OOSP2: variants seen among roughly 807,000 people sequenced by gnomAD.
OOSP2 encodes the protein oocyte-secreted protein 2.
In OOSP2, 7 loss-of-function variants were observed where a neutral mutation model predicts 13.4. The ratio of observed to expected loss-of-function variants is 0.52; its 90% CI spans 0.30 to 0.98. The LOEUF (loss-of-function observed/expected upper bound fraction) is 0.98, where lower values mean the gene tolerates loss of function less well. Ranked by LOEUF, OOSP2 falls within the 50% of genes least tolerant of loss-of-function variation. The pLI is 0.07. For synonymous variants in OOSP2, 75 were observed against 67.2 expected (o/e 1.12, Z -0.57); for missense variants, 184 against 188.5 (o/e 0.98, Z 0.14).
intron 1 of OOSP2, among the ~76,000 whole-genome samples, chr11:60,042,636 C>G (rs1345744306): frequency 6.6e-6 from 1 of 152,170 alleles, no homozygotes; most frequent in Admixed American, 6.5e-5. Flanking sequence ...GTGCATGGAG[C>G]TAACATCCCA....
intron 3 of OOSP2, 154 bp from the exon 4 acceptor site, chr11:60,046,788 CAA>C (rs1855013108): frequency 3.9e-6 from 3 of 763,922 alleles, no homozygotes; most frequent in Admixed American, 3.5e-5. Flanking sequence ...AATCCTGTAC[CAA>C]GAGTCCACGA....
In OOSP2 at chr11:60,046,926, T is replaced by C; in HGVS notation, c.348-18T>C. The C allele has an allele frequency of 6.2e-7, 1 of 1,605,888 alleles. No homozygotes were observed. Among genetic ancestry groups the C allele is most frequent in the Non-Finnish European group, 8.5e-7 (1 of 1,174,454 alleles). ...AAGTGCTCCAACACTATCTGCTTTCTGTTTCCCTTTTCTTTAGGAAATCAG... is the reference window on the plus strand; with the variant it reads ...AAGTGCTCCAACACTATCTGCTTTCCGTTTCCCTTTTCTTTAGGAAATCAG... On this transcript the variant is annotated intron_variant, in intron 3 of 3. Coordinates refer to ENST00000278855, the MANE Select transcript of OOSP2 (RefSeq NM_173801.5).
chr11:60,044,841 C>T (rs1043774211), intron 3 of OOSP2, 67 bp downstream of exon 3: 2 of 733,434 alleles, frequency 2.7e-6, no homozygotes, highest in Admixed American at 2.1e-5. Context: ...GAAGCTTCTG[C>T]AGAAGCATAG....
chr11:60,041,550 C>T (rs1257111462), intron 1 of OOSP2, among the ~76,000 whole-genome samples: 1 of 152,042 alleles, frequency 6.6e-6, no homozygotes, highest in Admixed American at 6.6e-5. Context: ...GAACGTCAGA[C>T]TAAAACTGAG....
At chr11:60,046,395 T>C (rs955556072) in intron 3 of OOSP2, among the ~76,000 whole-genome samples, 4 of 152,158 alleles carry the variant, frequency 2.6e-5, no homozygotes, top group Non-Finnish European at 5.9e-5. Flanking sequence ...GATAAATAGA[T>C]ATTCCTATTT....
Position 60,047,196 on chromosome 11 carries a change from C to G in OOSP2, c.*123C>G. 1 of 757,534 alleles carries G rather than the reference C, an allele frequency of 1.3e-6. No individual in the cohort carries two copies. The highest frequency in any genetic ancestry group is 2.6e-5 in the East Asian group (1 of 38,474). 46.9% of individuals were successfully genotyped at this position (757,534 alleles called of 1,614,324 possible). On this transcript the variant is annotated 3_prime_UTR_variant, in exon 4 of 4. Transcript: ENST00000278855. ...CCTTAAGTCTCTGGTTTCTAAAAAC[C>G]CTACTTCAGTAAAGGTCCTGATTAG...
At chr11:60,041,204 G>T (rs902938947) in intron 1 of OOSP2, among the ~76,000 whole-genome samples, 9 of 152,066 alleles carry the variant, frequency 5.9e-5, no homozygotes, top group Non-Finnish European at 8.8e-5. Context: ...AATTTGAAAG[G>T]GGGTTTTTCT....
intron 1 of OOSP2, among the ~76,000 whole-genome samples, chr11:60,043,086 A>T (rs970242717): frequency 6.6e-6 from 1 of 151,840 alleles, no homozygotes; most frequent in African/African-American, 2.4e-5. Context: ...TTGTATTTTT[A>T]GTAGAGACGG....
chr11:60,045,371 T>A (rs1262166798), intron 3 of OOSP2, among the ~76,000 whole-genome samples: 1 of 152,140 alleles, frequency 6.6e-6, no homozygotes, highest in Non-Finnish European at 1.5e-5. Flanking sequence ...ATACACTTTT[T>A]TTTTTTTTGC....
At position 60,043,495 on chromosome 11, in the gene OOSP2, T is replaced by C. The variant is rs775525994; in HGVS notation, c.91T>C (p.Leu31=). 1.4e-5 allele frequency: 22 copies of C among 1,613,238 alleles called. No individual in the cohort carries two copies. The highest frequency in any genetic ancestry group is 1.9e-5 in the Non-Finnish European group (22 of 1,179,320). Residue 31 remains leucine, a synonymous_variant, in exon 2 of 4, where the codon TTG becomes CTG. Transcript: ENST00000278855. The part of the protein sequence containing the change: ...HVKISCSLDW[L]MVSVIPVAES... ...GAAAATAAGTTGCTCTCTGGACTGG[T>C]TGATGGTCTCAGTTATCCCAGTTGC...
chr11:60,044,712 C>T lies in OOSP2; in HGVS notation c.285C>T (p.Tyr95=), dbSNP rs749312379. The T allele has an allele frequency of 9.3e-6, 15 of 1,605,026 alleles. No homozygotes were observed. The Admixed American group carries it at 2.3e-4, about 25-fold the overall frequency. The stretch of plus-strand genomic sequence containing the variant: ...CTCTCCTTTTTCAAACCGAGCTGTA[C>T]TTTACCCCAAGGAATATAGATCATG... ...EETLLFQTEL[Y]FTPRNIDHDP... The change falls in exon 3 of 4, where the codon TAC becomes TAT. Residue 95 remains tyrosine (Y), a synonymous_variant. Transcript: ENST00000278855.
At position 60,046,992 on chromosome 11, in the gene OOSP2, G is replaced by T; in HGVS notation, c.396G>T (p.Leu132Phe). 6.2e-7 allele frequency: 1 copy of T among 1,603,448 alleles called. No individual in the cohort carries two copies. The highest frequency in any genetic ancestry group is 8.5e-7 in the Non-Finnish European group (1 of 1,170,338). ...TTTCTACTGAGAATGAAATAAAATT[G>T]GATCCTAGTCCTTTTATTGCTGACT... ...TPVSTENEIK[L>F]DPSPFIADFQ... The change falls in exon 4 of 4, where the codon TTG becomes TTT. Residue 132 changes from leucine (L) to phenylalanine (F), a missense_variant. Physicochemically the swap from Leu to Phe is conservative, Grantham distance 22. Coordinates refer to ENST00000278855, the MANE Select transcript of OOSP2 (RefSeq NM_173801.5).
intron 1 of OOSP2, 32 bp downstream of exon 1, chr11:60,040,555 G>C (rs1371951431): frequency 8.1e-7 from 1 of 1,227,056 alleles, no homozygotes; most frequent in South Asian, 1.2e-5. Context: ...ATGCTTCCTC[G>C]AAGGAGTTAA....
At chr11:60,046,156 T>TGC in intron 3 of OOSP2, among the ~76,000 whole-genome samples, 1 of 150,270 alleles carries the variant, frequency 6.7e-6, no homozygotes, top group Non-Finnish European at 1.5e-5. Flanking sequence ...CTCTCTGGTC[T>TGC]CTCTGTCTCT....
chr11:60,043,641 G>C lies in OOSP2; in HGVS notation c.237G>C (p.Arg79Ser). Residue 79 changes from arginine to serine, a missense_variant, in exon 2 of 4, where the codon AGG becomes AGC. By Grantham distance (110) the Arg-to-Ser change is moderately radical. Coordinates refer to ENST00000278855, the MANE Select transcript of OOSP2 (RefSeq NM_173801.5). ...FIYLVRDCGI[R>S]TRVVSEETLL... is the part of the protein sequence containing the mutation. ...ATCTTGTTCGTGATTGTGGCATCAG[G>C]ACAAGGGTAAGAACAGTGATTGTTT... The C allele has an allele frequency of 6.3e-7, 1 of 1,578,828 alleles. No individual in the cohort carries two copies. The highest frequency in any genetic ancestry group is 8.7e-7 in the Non-Finnish European group (1 of 1,150,118).
chr11:60,041,961 G>C (rs559570058), intron 1 of OOSP2, among the ~76,000 whole-genome samples: 24 of 150,992 alleles, frequency 1.6e-4, no homozygotes, highest in Admixed American at 5.3e-4. Flanking sequence ...CGGATCACGA[G>C]GTCAGCCAGG....
intron 3 of OOSP2, among the ~76,000 whole-genome samples, chr11:60,045,879 T>C (rs905953569): frequency 6.6e-6 from 1 of 152,214 alleles, no homozygotes; most frequent in East Asian, 1.9e-4. Context: ...TTCAGGAACA[T>C]AGCTGAACTC....
At chr11:60,042,422 G>T (rs1453331741) in intron 1 of OOSP2, among the ~76,000 whole-genome samples, 1 of 152,184 alleles carries the variant, frequency 6.6e-6, no homozygotes, top group Non-Finnish European at 1.5e-5. Context: ...TTACCTTGTT[G>T]ATGATTTCTC....
intron 3 of OOSP2, among the ~76,000 whole-genome samples, chr11:60,045,575 AT>A (rs920990509): frequency 2.1e-4 from 31 of 151,138 alleles, no homozygotes; most frequent in African/African-American, 6.3e-4. Flanking sequence ...GAGAGGCAGA[AT>A]TTTTTTTTAA....
Sources: gnomAD v4.1 joint callset for allele counts (sites outside exome capture counted in the v4.1 genomes callset) on GRCh38, gnomAD v4.1.1 for gene constraint, MANE v1.5 for transcripts, NCBI Gene and HGNC (gene_info 2026-07-23, HGNC 2026-07-21) for gene names.